P3H2: variants seen among roughly 807,000 people sequenced by gnomAD.
P3H2 encodes the protein leprecan-like 1.
In P3H2, 80 loss-of-function variants were observed where a neutral mutation model predicts 87.0. The ratio of observed to expected loss-of-function variants is 0.92; its 90% CI spans 0.77 to 1.11. The LOEUF (loss-of-function observed/expected upper bound fraction) is 1.11, where lower values mean the gene tolerates loss of function less well. Among genes scored for constraint, P3H2 ranks in the 50% least tolerant of loss-of-function variants. P3H2 has a pLI of 0.00. For missense variants in P3H2, 1,001 were observed against 923.9 expected, an observed-to-expected ratio of 1.08 and a Z score of -1.08; for synonymous variants, 367 against 359.3, an observed-to-expected ratio of 1.02 and a Z score of -0.24.
chr3:190,038,016 T>C (rs761772182), intron 1 of P3H2, among the ~76,000 whole-genome samples: 1 of 152,178 alleles, frequency 6.6e-6, no homozygotes. Context: ...ATGAAAACTA[T>C]CTTTTTAGAA....
intron 1 of P3H2, among the ~76,000 whole-genome samples, chr3:190,014,586 AAGG>A: frequency 1.3e-5 from 2 of 152,286 alleles, no homozygotes; most frequent in Middle Eastern, 6.8e-3. Flanking sequence ...GGACATTAGG[AAGG>A]AGGAGAGATT....
At chr3:190,042,663 C>A (rs1725673685) in intron 1 of P3H2, among the ~76,000 whole-genome samples, 1 of 152,158 alleles carries the variant, frequency 6.6e-6, no homozygotes, top group Non-Finnish European at 1.5e-5. Context: ...CATTTCCAGT[C>A]CCTACAGTAA....
chr3:190,016,660 A>G (rs1724764105), intron 1 of P3H2, among the ~76,000 whole-genome samples: 1 of 152,222 alleles, frequency 6.6e-6, no homozygotes, highest in Non-Finnish European at 1.5e-5. Context: ...AAACTCCAAC[A>G]TATGTTTAAT....
chr3:190,082,202 G>A (rs1727066558), intron 1 of P3H2, among the ~76,000 whole-genome samples: 1 of 152,164 alleles, frequency 6.6e-6, no homozygotes, highest in South Asian at 2.1e-4. Context: ...GTTGCAGTGA[G>A]CTGAGATCAC....
chr3:189,980,572 G>A (rs837766), intron 8 of P3H2, among the ~76,000 whole-genome samples: 34,850 of 150,434 alleles, frequency 0.23, 4,109 homozygotes, highest in Non-Finnish European at 0.27. Context: ...CAAAAAAAAA[G>A]AAAAAGAGAT....
At chr3:189,995,265 G>A in intron 2 of P3H2, 25 bp downstream of exon 2, 5 of 1,613,180 alleles carry the variant, frequency 3.1e-6, no homozygotes, top group Non-Finnish European at 4.2e-6. Context: ...TCCCTGTGGT[G>A]AGGGCAGGGG....
At chr3:190,120,931 A>T (rs1577335215), upstream of P3H2, 1 of 736,114 alleles carries the variant, frequency 1.4e-6, no homozygotes. Flanking sequence ...TCTTAAAGGG[A>T]CGCCCACAGC....
chr3:190,024,000 T>A (rs1390254538), intron 1 of P3H2, among the ~76,000 whole-genome samples: 2 of 152,216 alleles, frequency 1.3e-5, no homozygotes, highest in South Asian at 2.1e-4. Context: ...CGTTTCATCA[T>A]CTGTAAAATA....
At chr3:189,967,486 C>T (rs1245599036) in intron 13 of P3H2, among the ~76,000 whole-genome samples, 2 of 148,126 alleles carry the variant, frequency 1.4e-5, no homozygotes, top group Non-Finnish European at 3.0e-5. Flanking sequence ...GAAATCTTTT[C>T]AACCACCTGT....
At chr3:190,019,607 A>G (rs1724873072) in intron 1 of P3H2, among the ~76,000 whole-genome samples, 1 of 78,246 alleles carries the variant, frequency 1.3e-5, no homozygotes, top group African/African-American at 3.6e-5. Context: ...TAGTAAGAAG[A>G]CAGATGACCT....
intron 13 of P3H2, chr3:189,968,896 T>A (rs1308338114): frequency 6.4e-6 from 1 of 155,502 alleles, no homozygotes; most frequent in African/African-American, 2.4e-5. Context: ...ATGTCTTCTT[T>A]TGAGAAGTGT....
At chr3:189,970,097 TTGTGTGTGTGTG>T (rs36166104) in intron 13 of P3H2, among the ~76,000 whole-genome samples, 3 of 141,402 alleles carry the variant, frequency 2.1e-5, no homozygotes, top group Non-Finnish European at 1.5e-5. Context: ...GTTTACATAT[TTGTGTGTGTGTG>T]TGTGTGTGTG....
intron 1 of P3H2, among the ~76,000 whole-genome samples, chr3:190,004,175 A>G (rs1250957247): frequency 6.6e-6 from 1 of 152,184 alleles, no homozygotes. Flanking sequence ...TGCATTTGTC[A>G]TATAGGTTGT....
At chr3:190,079,686 C>CT (rs1331377528) in intron 1 of P3H2, among the ~76,000 whole-genome samples, 13 of 152,292 alleles carry the variant, frequency 8.5e-5, no homozygotes, top group African/African-American at 2.9e-4. Context: ...ACACCTGGGG[C>CT]TAGCAACTGT....
rs768158421 is a variant in P3H2 at position 189,994,277 on chromosome 3, A to G, written c.640T>C (p.Tyr214His). 6.2e-7 allele frequency: 1 copy of G among 1,609,220 alleles called. No individual in the cohort carries two copies. The highest frequency in any genetic ancestry group is 8.5e-7 in the Non-Finnish European group (1 of 1,176,236). Residue 214 changes from tyrosine (Y) to histidine (H), a missense_variant, in exon 3 of 15, where the codon TAC becomes CAC. Transcript: ENST00000319332. ...DREAKPHMESYNAGVKHYEAD... is the reference protein window; with the variant it reads ...DREAKPHMESHNAGVKHYEAD... ...TCATAATGTTTAACTCCTGCATTGT[A>G]ACTCTCCTGTAATGAAACAGACGGG...
intron 1 of P3H2, among the ~76,000 whole-genome samples, chr3:190,096,352 C>G (rs1455318879): frequency 2.0e-5 from 3 of 152,146 alleles, no homozygotes. Context: ...TGAATTCTCA[C>G]AAGATCTAGT....
At chr3:190,005,748 CA>C (rs1252245659) in intron 1 of P3H2, among the ~76,000 whole-genome samples, 1 of 152,198 alleles carries the variant, frequency 6.6e-6, no homozygotes, top group African/African-American at 2.4e-5. Context: ...CAAAGGAATG[CA>C]TCGTGGCTGC....
At chr3:189,960,545 T>C (rs1414463707) in intron 14 of P3H2, among the ~76,000 whole-genome samples, 1 of 152,192 alleles carries the variant, frequency 6.6e-6, no homozygotes, top group Non-Finnish European at 1.5e-5. Flanking sequence ...TCAAATGCCA[T>C]CTCCTCAAAG....
At chr3:189,986,353 G>A (rs1327924789) in intron 6 of P3H2, among the ~76,000 whole-genome samples, 1 of 152,202 alleles carries the variant, frequency 6.6e-6, no homozygotes, top group South Asian at 2.1e-4. Context: ...GGGAGGCTGA[G>A]GCGGGCGGAT....
Sources: gnomAD v4.1 joint callset for allele counts (sites outside exome capture counted in the v4.1 genomes callset) on GRCh38, gnomAD v4.1.1 for gene constraint, MANE v1.5 for transcripts, NCBI Gene and HGNC (gene_info 2026-07-23, HGNC 2026-07-21) for gene names.